The following FCRL1 variants were observed in gnomAD, a reference collection of about 807,000 sequenced individuals.
FCRL1 encodes Fc receptor like 1.
FCRL1 carries 34 observed loss-of-function variants against 49.2 expected under a neutral mutation model. The observed-to-expected ratio is 0.69, with a 90% CI of 0.53 to 0.92. The LOEUF (loss-of-function observed/expected upper bound fraction) is 0.92. Ranked by LOEUF, FCRL1 falls within the 40% of genes least tolerant of loss-of-function variation. The pLI is 0.00. For missense variants in FCRL1, 524 were observed against 524.1 expected (o/e 1.00, Z 0.00); for synonymous variants, 218 against 201.6 (o/e 1.08, Z -0.69).
rs1652696004 is a variant in FCRL1 at position 157,802,492 on chromosome 1, C to T, written c.492G>A (p.Leu164=). Residue 164 remains leucine, a synonymous_variant, in exon 4 of 11, where the codon CTG becomes CTA. Coordinates refer to ENST00000368176, the MANE Select transcript of FCRL1 (RefSeq NM_052938.5). ...CTGAAGGAATCTCATACTCTGCTGT[C>T]AGTGAACGCTGGGTCTTTGACTGAA... ...LNLQSKTQRS[L]TAEYEIPSVR... 1.2e-6 allele frequency: 2 copies of T among 1,614,212 alleles called. No individual in the cohort carries two copies. The highest frequency in any genetic ancestry group is 2.2e-5 in the East Asian group (1 of 44,876).
At chr1:157,799,927 G>A (rs887225682) in intron 7 of FCRL1, 131 bp downstream of exon 7, 2 of 536,040 alleles carry the variant, frequency 3.7e-6, no homozygotes, top group Admixed American at 7.6e-5. Flanking sequence ...AGTTGCCAGT[G>A]GGAGAACTCA....
In FCRL1 at chr1:157,802,217, G is replaced by A. The variant is rs770336920; in HGVS notation, c.608-24C>T. The A allele has an allele frequency of 2.5e-6, 4 of 1,603,448 alleles. No homozygotes were observed. In the Admixed American group the frequency reaches 5.1e-5, roughly 20 times the overall value. ...GACTGAGGGAGACAGTAGACTGTAAGAGACAGTCTCTGACAATGCAGCAAA... is the reference window on the plus strand; with the variant it reads ...GACTGAGGGAGACAGTAGACTGTAAAAGACAGTCTCTGACAATGCAGCAAA... On this transcript the variant is annotated intron_variant, in intron 4 of 10. Coordinates refer to ENST00000368176, the MANE Select transcript of FCRL1 (RefSeq NM_052938.5).
intron 1 of FCRL1, among the ~76,000 whole-genome samples, chr1:157,818,173 T>G (rs1487417615): frequency 6.6e-6 from 1 of 152,110 alleles, no homozygotes; most frequent in Non-Finnish European, 1.5e-5. Context: ...CAGAGGAAAT[T>G]AAAGCAGTGT....
At chr1:157,796,778 A>G (rs898113104) in intron 10 of FCRL1, among the ~76,000 whole-genome samples, 1 of 152,236 alleles carries the variant, frequency 6.6e-6, no homozygotes, top group African/African-American at 2.4e-5. Context: ...GTACAAAGTG[A>G]TGGATGTATG....
At chr1:157,805,211 G>A (rs185525570) in intron 2 of FCRL1, among the ~76,000 whole-genome samples, 17 of 151,984 alleles carry the variant, frequency 1.1e-4, no homozygotes, top group East Asian at 1.9e-4. Flanking sequence ...CTCTCTCCTC[G>A]TCTCCCCAAC....
At chr1:157,807,221 T>A in intron 1 of FCRL1, 99 bp from the exon 2 acceptor site, 1 of 1,246,026 alleles carries the variant, frequency 8.0e-7, no homozygotes, top group Non-Finnish European at 1.1e-6. Flanking sequence ...ACACCCTCCA[T>A]CCCCTGGACC....
At position 157,819,999 on chromosome 1, in the gene FCRL1, C is replaced by T. The variant is rs1168128903; in HGVS notation, c.31+8G>A. ...ATCCCATGCCCTGCTCTGAGTTGCC[C>T]AACTCACCACAGATCAACAGCAACA... On this transcript the variant is annotated splice_region_variant and intron_variant, in intron 1 of 10. Transcript: ENST00000368176. 4 of 1,613,888 alleles carry T rather than the reference C, an allele frequency of 2.5e-6. No individual in the cohort carries two copies. The highest frequency in any genetic ancestry group is 4.5e-5 in the East Asian group (2 of 44,874).
intron 7 of FCRL1, 118 bp from the exon 8 acceptor site, chr1:157,798,361 G>T: frequency 1.2e-6 from 1 of 835,650 alleles, no homozygotes; most frequent in Non-Finnish European, 1.9e-6. Flanking sequence ...AAGTTACGGG[G>T]AAATGAGCAG....
At chr1:157,796,900 T>A (rs1212590029) in intron 10 of FCRL1, among the ~76,000 whole-genome samples, 1 of 152,244 alleles carries the variant, frequency 6.6e-6, no homozygotes, top group Non-Finnish European at 1.5e-5. Flanking sequence ...AGTAAATGTA[T>A]TTGTAAGCCT....
intron 1 of FCRL1, among the ~76,000 whole-genome samples, chr1:157,817,077 C>T (rs879404963): frequency 2.0e-5 from 3 of 151,940 alleles, no homozygotes; most frequent in Non-Finnish European, 4.4e-5. Context: ...AATGTCAATA[C>T]TACCCAGAAT....
rs1651425456 is a variant in FCRL1, at chr1:157,796,115, TA to T, written c.1273del (p.Tyr425MetfsTer14). 1 of 1,613,908 alleles carries T rather than the reference TA, an allele frequency of 6.2e-7. No individual in the cohort carries two copies. The highest frequency in any genetic ancestry group is 1.3e-5 in the African/African-American group (1 of 74,924). The part of the protein sequence containing the change: ...LRKANITDVD[Y>X]EDAM ...TCCATAACCTTACATAGCATCTTCA[TA>T]GTCCACATCTGTAATGTTTGCTTTC... On this transcript the variant is annotated frameshift_variant, in exon 11 of 11. Coordinates refer to ENST00000368176, the MANE Select transcript of FCRL1 (RefSeq NM_052938.5). LOFTEE classifies it high-confidence loss of function.
At chr1:157,816,693 T>C (rs1194467111) in intron 1 of FCRL1, among the ~76,000 whole-genome samples, 1 of 151,660 alleles carries the variant, frequency 6.6e-6, no homozygotes, top group African/African-American at 2.4e-5. Context: ...TAGAAAACTC[T>C]AAAGACCCCA....
chr1:157,796,933 C>A (rs914387385), intron 10 of FCRL1, among the ~76,000 whole-genome samples, 168 bp downstream of exon 10: 1 of 152,184 alleles, frequency 6.6e-6, no homozygotes, highest in African/African-American at 2.4e-5. Flanking sequence ...TGTACAATGA[C>A]CCCTTATTGT....
chr1:157,808,724 C>T (rs984032278), intron 1 of FCRL1, among the ~76,000 whole-genome samples: 2 of 152,044 alleles, frequency 1.3e-5, no homozygotes, highest in African/African-American at 2.4e-5. Flanking sequence ...GCAGGGAGAA[C>T]GTTAGTGGGA....
At chr1:157,807,399 A>T (rs1321320907) in intron 1 of FCRL1, among the ~76,000 whole-genome samples, 1 of 152,090 alleles carries the variant, frequency 6.6e-6, no homozygotes. Context: ...CCACAGAACA[A>T]CACATCGTTC....
chr1:157,804,890 T>G (rs1653166650), intron 2 of FCRL1, among the ~76,000 whole-genome samples: 1 of 151,254 alleles, frequency 6.6e-6, no homozygotes, highest in Non-Finnish European at 1.5e-5. Flanking sequence ...GACAGGGTCA[T>G]GTTCTGACTC....
chr1:157,804,562 A>C (rs1382641864), intron 2 of FCRL1, among the ~76,000 whole-genome samples: 1 of 152,180 alleles, frequency 6.6e-6, no homozygotes, highest in East Asian at 1.9e-4. Flanking sequence ...CTGGCATCTC[A>C]GAACCACAAC....
intron 7 of FCRL1, among the ~76,000 whole-genome samples, chr1:157,798,731 G>C (rs1458534160): frequency 6.6e-6 from 1 of 151,876 alleles, no homozygotes; most frequent in Admixed American, 6.6e-5. Context: ...CTAAACATTG[G>C]GATCTCTAGA....
intron 1 of FCRL1, among the ~76,000 whole-genome samples, chr1:157,814,236 G>T (rs750781873): frequency 2.6e-5 from 4 of 152,124 alleles, no homozygotes; most frequent in Non-Finnish European, 4.4e-5. Context: ...TATCTACTAT[G>T]ATGGTTAAAA....
Sources: gnomAD v4.1 joint callset for allele counts (sites outside exome capture counted in the v4.1 genomes callset) on GRCh38, gnomAD v4.1.1 for gene constraint, MANE v1.5 for transcripts, NCBI Gene and HGNC (gene_info 2026-07-23, HGNC 2026-07-21) for gene names.